Variants in CADM2 observed in about 807,000 individuals in gnomAD.
CADM2 encodes immunoglobulin superfamily member 4D.
A neutral mutation model predicts 49.8 loss-of-function variants in CADM2; 12 were observed. The observed-to-expected ratio is 0.24, with a 90% CI of 0.15 to 0.39. The LOEUF is 0.39. CADM2 is among the 10% of genes least tolerant of loss of function. The probability of loss-of-function intolerance (pLI) is 1.00; values close to 1 mark genes in which losing one functional copy is unlikely to be tolerated. For synonymous variants in CADM2, 214 were observed against 175.4 expected (o/e 1.22, Z -1.74); for missense variants, 378 against 492.3 (o/e 0.77, Z 2.20).
intron 1 of CADM2, among the ~76,000 whole-genome samples, chr3:85,551,794 A>G (rs1430891340): frequency 1.3e-5 from 2 of 152,164 alleles, no homozygotes; most frequent in African/African-American, 2.4e-5. Context: ...CCTACTGGGT[A>G]TATAATTTCA....
At chr3:85,247,307 T>C (rs1362186935) in intron 1 of CADM2, among the ~76,000 whole-genome samples, 5 of 152,068 alleles carry the variant, frequency 3.3e-5, no homozygotes, top group African/African-American at 4.8e-5. Flanking sequence ...TACTCTAACA[T>C]TAGTGATGAG....
chr3:85,276,511 GTCT>G (rs1017737496), intron 1 of CADM2, among the ~76,000 whole-genome samples: 31 of 151,196 alleles, frequency 2.1e-4, no homozygotes, highest in African/African-American at 7.5e-4. Context: ...GTAGAAATTT[GTCT>G]TCTTGTTAAT....
intron 1 of CADM2, among the ~76,000 whole-genome samples, chr3:84,988,108 C>T (rs1291465472): frequency 6.6e-6 from 1 of 152,188 alleles, no homozygotes; most frequent in Admixed American, 6.5e-5. Context: ...TTTTTGACCA[C>T]CATTCAGCCA....
chr3:85,728,578 A>G (rs891868357), intron 2 of CADM2, among the ~76,000 whole-genome samples: 3 of 152,178 alleles, frequency 2.0e-5, no homozygotes, highest in Non-Finnish European at 2.9e-5. Context: ...AAAACCCAAG[A>G]TAATATAAGA....
chr3:85,520,936 C>G (rs2061014401), intron 1 of CADM2, among the ~76,000 whole-genome samples: 1 of 151,894 alleles, frequency 6.6e-6, no homozygotes. Flanking sequence ...TTGAGTATGG[C>G]CAGTTTCCAG....
intron 1 of CADM2, among the ~76,000 whole-genome samples, chr3:85,135,139 T>C (rs2039376093): frequency 6.6e-6 from 1 of 152,002 alleles, no homozygotes; most frequent in African/African-American, 2.4e-5. Flanking sequence ...TATAATATAT[T>C]AGTTGCATTT....
chr3:85,743,254 A>G (rs1164832760), intron 2 of CADM2, among the ~76,000 whole-genome samples: 1 of 152,022 alleles, frequency 6.6e-6, no homozygotes, highest in Non-Finnish European at 1.5e-5. Flanking sequence ...TATCAGATGC[A>G]CTCTGAAAAT....
chr3:85,803,048 C>A (rs2108080908), intron 3 of CADM2, among the ~76,000 whole-genome samples: 1 of 152,120 alleles, frequency 6.6e-6, no homozygotes, highest in East Asian at 1.9e-4. Context: ...AACTTCAAAT[C>A]AGCTCCATTT....
At chr3:85,567,780 ACT>A (rs1370745514) in intron 1 of CADM2, among the ~76,000 whole-genome samples, 1 of 152,108 alleles carries the variant, frequency 6.6e-6, no homozygotes, top group Non-Finnish European at 1.5e-5. Context: ...TGGTAGCATG[ACT>A]CTGTCCAAAT....
intron 1 of CADM2, among the ~76,000 whole-genome samples, chr3:85,419,731 G>A (rs894284789): frequency 1.3e-4 from 20 of 151,820 alleles, no homozygotes; most frequent in Admixed American, 1.3e-4. Flanking sequence ...AAGTATCTTA[G>A]GCCTTGTTAT....
chr3:85,109,714 T>C (rs190390212), intron 1 of CADM2, among the ~76,000 whole-genome samples: 125 of 152,124 alleles, frequency 8.2e-4, no homozygotes, highest in African/African-American at 2.9e-3. Context: ...TAATTATTTA[T>C]AATGGTTAGC....
intron 2 of CADM2, among the ~76,000 whole-genome samples, chr3:85,786,189 A>C (rs1185839721): frequency 6.6e-6 from 1 of 152,158 alleles, no homozygotes; most frequent in East Asian, 1.9e-4. Context: ...ATTTTTATTG[A>C]AGTTTAATAA....
intron 3 of CADM2, among the ~76,000 whole-genome samples, chr3:85,827,084 G>C (rs2108212938): frequency 6.6e-6 from 1 of 151,938 alleles, no homozygotes; most frequent in African/African-American, 2.4e-5. Context: ...ACTGAATCAA[G>C]GATGCTGAAA....
intron 1 of CADM2, among the ~76,000 whole-genome samples, chr3:84,986,614 G>T (rs529011592): frequency 2.0e-5 from 3 of 151,778 alleles, no homozygotes; most frequent in Admixed American, 1.3e-4. Flanking sequence ...GGGGTGGGGG[G>T]AGCGGGGAGG....
At chr3:85,255,694 C>G (rs1023130744) in intron 1 of CADM2, among the ~76,000 whole-genome samples, 1 of 151,962 alleles carries the variant, frequency 6.6e-6, no homozygotes, top group Non-Finnish European at 1.5e-5. Flanking sequence ...AATCCTTTGC[C>G]CCATCTCTAC....
intron 1 of CADM2, among the ~76,000 whole-genome samples, chr3:84,988,616 G>GGCCACCTC (rs1478837484): frequency 1.3e-5 from 2 of 151,876 alleles, no homozygotes; most frequent in Non-Finnish European, 2.9e-5. Flanking sequence ...AACCCTCATT[G>GGCCACCTC]GCCACCTCCT....
At chr3:85,727,942 C>T (rs190654911) in intron 2 of CADM2, among the ~76,000 whole-genome samples, 9 of 152,136 alleles carry the variant, frequency 5.9e-5, no homozygotes, top group East Asian at 1.9e-4. Flanking sequence ...TGAATGAAAC[C>T]TGGTACTTTT....
intron 1 of CADM2, among the ~76,000 whole-genome samples, chr3:85,150,798 A>G (rs1399548508): frequency 6.6e-6 from 1 of 151,936 alleles, no homozygotes. Flanking sequence ...AATCCCAGCT[A>G]CTTGGGCAAC....
chr3:85,854,008 T>C (rs1322874953), intron 3 of CADM2, among the ~76,000 whole-genome samples: 1 of 152,164 alleles, frequency 6.6e-6, no homozygotes, highest in Admixed American at 6.5e-5. Context: ...CTTTACAGCT[T>C]AGTAAAGGAG....
Sources: gnomAD v4.1 joint callset for allele counts (sites outside exome capture counted in the v4.1 genomes callset) on GRCh38, gnomAD v4.1.1 for gene constraint, MANE v1.5 for transcripts, NCBI Gene and HGNC (gene_info 2026-07-23, HGNC 2026-07-21) for gene names.